The following CARD9 variants were observed in gnomAD, a reference collection of about 807,000 sequenced individuals.
CARD9 encodes the protein caspase recruitment domain family member 9, also known as caspase recruitment domain-containing protein 9.
Under a neutral mutation model 66.0 loss-of-function variants are expected in CARD9, and 53 were observed. The ratio of observed to expected loss-of-function variants is 0.80; its 90% confidence interval spans 0.64 to 1.01. The LOEUF (loss-of-function observed/expected upper bound fraction) is 1.01. CARD9 is among the 50% of genes least tolerant of loss of function. The pLI is 0.00. For synonymous variants in CARD9, 387 were observed against 313.8 expected, an observed-to-expected ratio of 1.23 and a Z score of -2.47; for missense variants, 769 against 743.2, an observed-to-expected ratio of 1.03 and a Z score of -0.40.
At chr9:136,370,125 G>T in intron 6 of CARD9, 169 bp downstream of exon 6, 2 of 1,423,906 alleles carry the variant, frequency 1.4e-6, no homozygotes, top group Non-Finnish European at 1.9e-6. Flanking sequence ...GCCATGGGGG[G>T]CAGGCGGGCA....
At position 136,370,924 on chromosome 9, in the gene CARD9, TCTC is replaced by T. The variant is rs765062166; in HGVS notation, c.541_543del (p.Glu181del). On this transcript the variant is annotated inframe_deletion, in exon 4 of 13. Coordinates refer to ENST00000371732, the MANE Select transcript of CARD9 (RefSeq NM_052813.5). ...GCCAGGCGCATGGCCAGGTCGTAGT[TCTC>T]CTCCTTGCAGCGCTTGAGCTCGCGG... 10 of 1,612,252 alleles carry T rather than the reference TCTC, an allele frequency of 6.2e-6. No individual in the cohort carries two copies. Among genetic ancestry groups the T allele is most frequent in the East Asian group, 2.2e-5 (1 of 44,868 alleles).
At chr9:136,364,982 G>A in intron 11 of CARD9, 159 bp downstream of exon 11, 1 of 678,964 alleles carries the variant, frequency 1.5e-6, no homozygotes, top group South Asian at 1.9e-5. Flanking sequence ...TCGCAGCCCA[G>A]ACACCGCACC....
intron 1 of CARD9, among the ~76,000 whole-genome samples, chr9:136,372,916 TCTC>T (rs1201210138): frequency 6.6e-6 from 1 of 152,286 alleles, no homozygotes; most frequent in Admixed American, 6.5e-5. Context: ...CCTGGACTCT[TCTC>T]CTGCCCCAGA....
At chr9:136,364,423 G>T in intron 12 of CARD9, 22 bp from the exon 13 acceptor site, 1 of 1,542,784 alleles carries the variant, frequency 6.5e-7, no homozygotes. Flanking sequence ...GGTGTCTCAG[G>T]CGCGACCCGG....
At chr9:136,369,060 G>A (rs1425441372) in intron 7 of CARD9, among the ~76,000 whole-genome samples, 1 of 152,068 alleles carries the variant, frequency 6.6e-6, no homozygotes, top group Non-Finnish European at 1.5e-5. Flanking sequence ...CCTCAAGTGA[G>A]CCGCCTGCCT....
At chr9:136,372,279 C>T (rs986458939) in intron 1 of CARD9, among the ~76,000 whole-genome samples, 185 bp from the exon 2 acceptor site, 8 of 152,174 alleles carry the variant, frequency 5.3e-5, no homozygotes, top group Admixed American at 5.2e-4. Flanking sequence ...CCCAGGGAGG[C>T]AGCAGAGACA....
chr9:136,368,970 G>C (rs1199493342), intron 7 of CARD9, among the ~76,000 whole-genome samples: 1 of 152,008 alleles, frequency 6.6e-6, no homozygotes, highest in African/African-American at 2.4e-5. Context: ...CAGGCGCCCG[G>C]AACCACACCA....
intron 11 of CARD9, chr9:136,364,837 G>C (rs1452145267): frequency 1.7e-6 from 1 of 596,684 alleles, no homozygotes; most frequent in Non-Finnish European, 3.0e-6. Context: ...CAAAGCCCGA[G>C]GTGGTGCTTG....
intron 1 of CARD9, among the ~76,000 whole-genome samples, chr9:136,373,275 G>A (rs1833318306): frequency 6.6e-6 from 1 of 152,362 alleles, no homozygotes; most frequent in Admixed American, 6.5e-5. Context: ...CTGGCCACAC[G>A]GTAGACAGTC....
chr9:136,365,222 A>G lies in CARD9; in HGVS notation c.1358-5T>C. 1.2e-6 allele frequency: 2 copies of G among 1,607,800 alleles called. No homozygotes were observed. The highest frequency in any genetic ancestry group is 1.7e-6 in the Non-Finnish European group (2 of 1,179,856). On this transcript the variant is annotated splice_polypyrimidine_tract_variant and splice_region_variant and intron_variant, in intron 10 of 12. Coordinates refer to ENST00000371732, the MANE Select transcript of CARD9 (RefSeq NM_052813.5). ...TCCCCCCGCCGGCAAGGCAGCCTGG[A>G]AAGGAGAGTCGTGCCTGTGGGACCT... is the stretch of plus-strand genomic sequence containing the variant.
In CARD9 at chr9:136,370,369, C is replaced by A. The variant is rs1394164631; in HGVS notation, c.876G>T (p.Arg292=). The change falls in exon 6 of 13, where the codon CGG becomes CGT. Residue 292 remains arginine, a synonymous_variant. Coordinates refer to ENST00000371732, the MANE Select transcript of CARD9 (RefSeq NM_052813.5). The part of the protein sequence containing the change: ...VLEEDWRQAL[R]DHQEQANTIF... ...TGGTGTTGGCCTGCTCCTGGTGGTC[C>A]CGCAGCGCCTGCCGCCAGTCCTCCT... is the stretch of plus-strand genomic sequence containing the variant. 3 of 1,609,880 alleles carry A rather than the reference C, an allele frequency of 1.9e-6. No individual in the cohort carries two copies. Among genetic ancestry groups the A allele is most frequent in the East Asian group, 2.2e-5 (1 of 44,762 alleles).
chr9:136,371,514 T>TGGGG, intron 2 of CARD9, 53 bp from the exon 3 acceptor site: 1 of 361,784 alleles, frequency 2.8e-6, no homozygotes, highest in Admixed American at 5.0e-5. Context: ...GGCAGAGGGC[T>TGGGG]GGGGTGGGTG....
At chr9:136,368,697 C>T (rs1833185371) in intron 7 of CARD9, among the ~76,000 whole-genome samples, 1 of 152,252 alleles carries the variant, frequency 6.6e-6, no homozygotes, top group Non-Finnish European at 1.5e-5. Flanking sequence ...CAGCACGTAG[C>T]ACTGGAGGCC....
At chr9:136,367,509 G>T (rs1202184208) in intron 8 of CARD9, 128 bp downstream of exon 8, 3 of 1,167,736 alleles carry the variant, frequency 2.6e-6, no homozygotes, top group Non-Finnish European at 3.6e-6. Context: ...TGCCAGGAGG[G>T]GTTTGGTTAG....
chr9:136,367,090 C>T, intron 9 of CARD9, 126 bp downstream of exon 9: 2 of 1,227,564 alleles, frequency 1.6e-6, no homozygotes, highest in Non-Finnish European at 2.3e-6. Context: ...CCTGCTCTTC[C>T]TCCACCCAGC....
intron 2 of CARD9, 73 bp from the exon 3 acceptor site, chr9:136,371,534 G>T (rs1395219795): frequency 2.6e-6 from 4 of 1,514,170 alleles, no homozygotes; most frequent in Admixed American, 4.0e-5. Context: ...GGGCCTGGGG[G>T]CAGGGACAGG....
chr9:136,372,241 C>T, intron 1 of CARD9, 147 bp from the exon 2 acceptor site: 4 of 1,126,528 alleles, frequency 3.6e-6, no homozygotes, highest in Non-Finnish European at 5.1e-6. Context: ...AGGTGCCCAG[C>T]TCCATGTCCC....
intron 6 of CARD9, 152 bp from the exon 7 acceptor site, chr9:136,370,027 C>T (rs1215440149): frequency 6.8e-7 from 1 of 1,463,962 alleles, no homozygotes; most frequent in African/African-American, 1.4e-5. Context: ...ACCAGCCCTG[C>T]ACTTCCAGAC....
At chr9:136,364,680 C>A in intron 11 of CARD9, 121 bp from the exon 12 acceptor site, 1 of 980,348 alleles carries the variant, frequency 1.0e-6, no homozygotes, top group South Asian at 1.7e-5. Flanking sequence ...CCCAGACAGC[C>A]TCAGCTCAGC....
Sources: allele counts gnomAD v4.1 joint callset (sites outside exome capture counted in the v4.1 genomes callset), GRCh38; gene constraint gnomAD v4.1.1; transcripts MANE v1.5; gene names NCBI Gene and HGNC (gene_info 2026-07-23, HGNC 2026-07-21).